Variants in AKAP10 observed in about 807,000 individuals in gnomAD.
AKAP10 encodes A-kinase anchoring protein 10, also known as A-kinase anchor protein 10, mitochondrial.
AKAP10 carries 24 observed loss-of-function variants against 80.8 expected under a neutral mutation model. That is an observed-to-expected ratio of 0.30 (90% CI 0.22 to 0.42). AKAP10 has a LOEUF of 0.42. Among genes scored for constraint, AKAP10 ranks in the 10% least tolerant of loss-of-function variants. The probability of loss-of-function intolerance (pLI) is 1.00; values close to 1 mark genes in which losing one functional copy is unlikely to be tolerated. For synonymous variants in AKAP10, 291 were observed against 277.7 expected, an observed-to-expected ratio of 1.05 and a Z score of -0.48; for missense variants, 661 against 794.9, an observed-to-expected ratio of 0.83 and a Z score of 2.03.
intron 5 of AKAP10, among the ~76,000 whole-genome samples, chr17:19,946,037 T>C (rs2043100145): frequency 1.3e-5 from 2 of 148,304 alleles, no homozygotes; most frequent in African/African-American, 4.9e-5. Context: ...TACATGTATA[T>C]ATAATGAAAA....
At chr17:19,967,619 ACGC>A (rs1267578698) in intron 2 of AKAP10, among the ~76,000 whole-genome samples, 3 of 152,238 alleles carry the variant, frequency 2.0e-5, no homozygotes, top group Non-Finnish European at 4.4e-5. Context: ...ATGGTGGCTC[ACGC>A]CTGTAATCCC....
chr17:19,909,337 T>A (rs2042665741), intron 13 of AKAP10, 61 bp from the exon 14 acceptor site: 1 of 1,381,966 alleles, frequency 7.2e-7, no homozygotes, highest in Non-Finnish European at 1.0e-6. Flanking sequence ...GAGATGCACA[T>A]ACTCAGTGCT....
intron 11 of AKAP10, among the ~76,000 whole-genome samples, chr17:19,921,967 G>A (rs185400134): frequency 1.2e-4 from 18 of 152,182 alleles, no homozygotes; most frequent in African/African-American, 3.6e-4. Context: ...AAAGTACAAC[G>A]TACAGAATGG....
intron 4 of AKAP10, 145 bp from the exon 5 acceptor site, chr17:19,947,650 G>C (rs929262077): frequency 2.9e-6 from 2 of 693,516 alleles, no homozygotes; most frequent in African/African-American, 3.6e-5. Flanking sequence ...TTCATTGTTT[G>C]GTTTGTGGAA....
intron 11 of AKAP10, among the ~76,000 whole-genome samples, chr17:19,923,971 G>A (rs115608338): frequency 6.6e-6 from 1 of 152,184 alleles, no homozygotes; most frequent in African/African-American, 2.4e-5. Context: ...TTAGGGAAGA[G>A]AAAGTGATTT....
chr17:19,943,887 G>A (rs1022784242), intron 5 of AKAP10, among the ~76,000 whole-genome samples: 1 of 152,098 alleles, frequency 6.6e-6, no homozygotes, highest in African/African-American at 2.4e-5. Context: ...GGTGTTCACT[G>A]AACAATCATC....
intron 1 of AKAP10, among the ~76,000 whole-genome samples, chr17:19,974,388 A>G (rs1013971512): frequency 7.9e-5 from 12 of 152,212 alleles, no homozygotes; most frequent in South Asian, 2.1e-4. Context: ...TTAAAACATT[A>G]TAAGTTTTGC....
chr17:19,968,928 C>A (rs2043458916), intron 1 of AKAP10, among the ~76,000 whole-genome samples: 1 of 152,150 alleles, frequency 6.6e-6, no homozygotes, highest in Non-Finnish European at 1.5e-5. Context: ...CATGTGTCAT[C>A]CATAGTACTA....
In AKAP10 at chr17:19,931,828, T is replaced by A; in HGVS notation, c.1618A>T (p.Ser540Cys). Reference sequence around the variant, plus strand: ...ACCTGAGACGCAGAGCTGTCAGAACTCCCTGGGTGAGACTCATCAGGAGGG... The same window carrying A: ...ACCTGAGACGCAGAGCTGTCAGAACACCCTGGGTGAGACTCATCAGGAGGG... ...VGPPDESHPG[S>C]SDSSASQSSV... Residue 540 changes from serine (S) to cysteine (C), a missense_variant, in exon 10 of 15, where the codon AGT (serine) becomes TGT (cysteine). By Grantham distance (112) the Ser-to-Cys change is moderately radical. Coordinates refer to ENST00000225737, the MANE Select transcript of AKAP10 (RefSeq NM_007202.4). 1 of 1,613,364 alleles carries A rather than the reference T, an allele frequency of 6.2e-7. No individual in the cohort carries two copies. The highest frequency in any genetic ancestry group is 1.1e-5 in the South Asian group (1 of 90,886).
intron 12 of AKAP10, among the ~76,000 whole-genome samples, chr17:19,911,284 T>TA (rs967656303): frequency 1.3e-5 from 2 of 152,118 alleles, no homozygotes; most frequent in Non-Finnish European, 2.9e-5. Context: ...AAACCCATGT[T>TA]AAAAAAACTC....
At position 19,946,263 on chromosome 17, in the gene AKAP10, A is replaced by G. The variant is rs1567765875; in HGVS notation, c.976+1144T>C. ...TATATATATATATATATATATATAT[A>G]TATATATATATATTTTTTTTTTTTT... On this transcript the variant is annotated intron_variant, in intron 5 of 14. Coordinates refer to ENST00000225737, the MANE Select transcript of AKAP10 (RefSeq NM_007202.4). Among the ~76,000 whole-genome samples the G allele has an allele frequency of 6.7e-3, 181 of 27,206 alleles. 12 individuals are homozygous for G. Among genetic ancestry groups the G allele is most frequent in the African/African-American group, 0.023 (148 of 6,380 alleles). The allele number at this position is 27,206 out of a possible 152,430, so 17.8% of individuals were successfully genotyped here.
chr17:19,909,820 A>G, intron 13 of AKAP10, 106 bp downstream of exon 13: 1 of 926,934 alleles, frequency 1.1e-6, no homozygotes, highest in South Asian at 1.6e-5. Flanking sequence ...TAAATGTGCC[A>G]TGCTGCTTAA....
chr17:19,917,806 C>T (rs1442826532), intron 12 of AKAP10, among the ~76,000 whole-genome samples: 1 of 152,042 alleles, frequency 6.6e-6, no homozygotes, highest in Non-Finnish European at 1.5e-5. Context: ...GCCTATAATC[C>T]CAGCTACTTG....
intron 14 of AKAP10, among the ~76,000 whole-genome samples, chr17:19,908,577 T>C (rs2042656495): frequency 6.6e-6 from 1 of 152,196 alleles, no homozygotes; most frequent in African/African-American, 2.4e-5. Flanking sequence ...ACGGCTTTCT[T>C]TCTGGGCAGC....
At chr17:19,965,608 A>G (rs2043406643) in intron 2 of AKAP10, among the ~76,000 whole-genome samples, 1 of 152,192 alleles carries the variant, frequency 6.6e-6, no homozygotes, top group African/African-American at 2.4e-5. Flanking sequence ...TGGTAGGGAG[A>G]AGAGAAAGAA....
intron 3 of AKAP10, among the ~76,000 whole-genome samples, chr17:19,959,797 C>T (rs749292758): frequency 6.6e-6 from 1 of 152,122 alleles, no homozygotes; most frequent in Non-Finnish European, 1.5e-5. Flanking sequence ...TTTTGAAGCA[C>T]GTCGTGTCTT....
intron 4 of AKAP10, among the ~76,000 whole-genome samples, chr17:19,949,699 C>T (rs868015226): frequency 4.2e-4 from 60 of 143,848 alleles, no homozygotes; most frequent in African/African-American, 1.5e-3. Flanking sequence ...ACCCAGGAGG[C>T]GGAGGTTGCA....
intron 5 of AKAP10, 23 bp downstream of exon 5, chr17:19,947,384 C>T: frequency 1.3e-6 from 2 of 1,518,404 alleles, no homozygotes; most frequent in Admixed American, 2.0e-5. Flanking sequence ...TTTTTTTTTG[C>T]CATAGTTTCA....
At chr17:19,919,676 C>T (rs1370440618) in intron 12 of AKAP10, among the ~76,000 whole-genome samples, 1 of 149,296 alleles carries the variant, frequency 6.7e-6, no homozygotes, top group Non-Finnish European at 1.5e-5. Flanking sequence ...AGAGCAAGAA[C>T]TGTCTCAAAA....
Sources: gnomAD v4.1 joint callset for allele counts (sites outside exome capture counted in the v4.1 genomes callset) on GRCh38, gnomAD v4.1.1 for gene constraint, MANE v1.5 for transcripts, NCBI Gene and HGNC (gene_info 2026-07-23, HGNC 2026-07-21) for gene names.